The following TXNL1 variants were observed in gnomAD, a reference collection of about 807,000 sequenced individuals.
TXNL1 encodes the protein thioredoxin-like protein 1.
TXNL1 carries 14 observed loss-of-function variants against 35.5 expected under a neutral mutation model. The ratio of observed to expected loss-of-function variants is 0.39; its 90% confidence interval spans 0.26 to 0.62. TXNL1 has a LOEUF of 0.62. Among genes scored for constraint, TXNL1 ranks in the 20% least tolerant of loss-of-function variants. The pLI is 0.47. For missense variants in TXNL1, 263 were observed against 349.7 expected (o/e 0.75, Z 1.98); for synonymous variants, 110 against 115.5 (o/e 0.95, Z 0.31).
At chr18:56,626,338 GAA>G in intron 2 of TXNL1, 21 bp downstream of exon 2, 1 of 1,578,380 alleles carries the variant, frequency 6.3e-7, no homozygotes, top group Non-Finnish European at 8.6e-7. Context: ...AAATTAAAAA[GAA>G]AAAAGATTCC....
At chr18:56,610,345 T>C (rs1008941344) in intron 7 of TXNL1, 13 of 152,286 alleles carry the variant, frequency 8.5e-5, no homozygotes, top group African/African-American at 2.7e-4. Context: ...GTTCCAGTAA[T>C]GTACAGAAGG....
intron 5 of TXNL1, 150 bp downstream of exon 5, chr18:56,616,095 G>A (rs545386227): frequency 3.4e-5 from 20 of 594,740 alleles, no homozygotes; most frequent in South Asian, 1.6e-4. Flanking sequence ...TTGCACCACC[G>A]CACTCCAGCC....
At chr18:56,620,052 T>G (rs2024156251) in intron 3 of TXNL1, among the ~76,000 whole-genome samples, 1 of 152,198 alleles carries the variant, frequency 6.6e-6, no homozygotes, top group Non-Finnish European at 1.5e-5. Flanking sequence ...CACTGAAACC[T>G]CCACCTCCCG....
rs1451765723 is a variant in TXNL1 at position 56,600,347 on chromosome 18, C to CT, written c.*2679dup. ...GAACAATGTGGGGCAGGTTTCAACT[C>CT]TAATTGTTACGTGGCTGCCTCCAAC... On this transcript the variant is annotated 3_prime_UTR_variant, in exon 8 of 8. Transcript: ENST00000217515. The CT allele has an allele frequency of 1.3e-5, 2 of 151,220 alleles. No individual in the cohort carries two copies. Among genetic ancestry groups the CT allele is most frequent in the African/African-American group, 2.4e-5 (1 of 41,168 alleles). The allele number at this position is 151,220 out of a possible 1,614,324, so 9.4% of individuals were successfully genotyped here.
chr18:56,638,452 G>T lies in TXNL1; in HGVS notation c.-12C>A, dbSNP rs368175571. The T allele has an allele frequency of 4.4e-6, 7 of 1,608,506 alleles. No homozygotes were observed. The African/African-American group carries it at 9.4e-5, about 21-fold the overall frequency. On this transcript the variant is annotated 5_prime_UTR_variant, in exon 1 of 8. Transcript: ENST00000217515. The stretch of plus-strand genomic sequence containing the variant: ...TTCACCCCCACCATCCTCACAGAGA[G>T]CCCGGCAGGGTGGCCGCGACGCCAC...
At chr18:56,620,432 A>G (rs2144310829) in intron 3 of TXNL1, among the ~76,000 whole-genome samples, 1 of 152,330 alleles carries the variant, frequency 6.6e-6, no homozygotes, top group East Asian at 1.9e-4. Context: ...CTTTTTACTT[A>G]AGATCTTAAG....
chr18:56,637,924 G>A (rs1329621458), intron 1 of TXNL1, among the ~76,000 whole-genome samples: 2 of 152,228 alleles, frequency 1.3e-5, no homozygotes, highest in African/African-American at 2.4e-5. Flanking sequence ...GTGGTGAAGA[G>A]AAACAAAGTG....
chr18:56,608,100 G>A (rs762964331), intron 7 of TXNL1, among the ~76,000 whole-genome samples: 5 of 152,052 alleles, frequency 3.3e-5, no homozygotes, highest in African/African-American at 9.7e-5. Flanking sequence ...CCCCCGCCCC[G>A]ACAGATAAGG....
chr18:56,620,968 G>A (rs2024170822), intron 3 of TXNL1, among the ~76,000 whole-genome samples: 1 of 152,170 alleles, frequency 6.6e-6, no homozygotes, highest in African/African-American at 2.4e-5. Context: ...TTTTACTATA[G>A]CAGAATTATT....
rs1382551574 is a variant in TXNL1 at position 56,610,255 on chromosome 18, T to TA, written c.840+737dup. ...TATAGCAACTAACGCTCTGTACTGA[T>TA]AAAGCTCTCAGTAGCACTTTGATAA... On this transcript the variant is annotated intron_variant, in intron 7 of 7. Transcript: ENST00000217515. 5.9e-5 allele frequency: 9 copies of TA among 152,366 alleles called. No individual in the cohort carries two copies. The East Asian group carries it at 1.7e-3, about 29-fold the overall frequency. The allele number at this position is 152,366 out of a possible 1,614,324, so 9.4% of individuals were successfully genotyped here. A position where few individuals can be genotyped will look rare whatever the true frequency, so the allele number is the denominator to read the frequency against.
chr18:56,624,362 A>T lies in TXNL1; in HGVS notation c.295T>A (p.Leu99Ile). 1 of 1,613,760 alleles carries T rather than the reference A, an allele frequency of 6.2e-7. No individual in the cohort carries two copies. The highest frequency in any genetic ancestry group is 8.5e-7 in the Non-Finnish European group (1 of 1,179,838). ...AAGTGCTGCTTGATTTTTTCTTCTA[A>T]TCCCACAGCATCTGCTCCTTGATAT... ...DQYQGADAVG[L>I]EEKIKQHLEN... is the part of the protein sequence containing the mutation. Residue 99 changes from leucine (L) to isoleucine (I), a missense_variant, in exon 3 of 8, where the codon TTA becomes ATA. Physicochemically the swap from Leu to Ile is conservative, Grantham distance 5. Coordinates refer to ENST00000217515, the MANE Select transcript of TXNL1 (RefSeq NM_004786.3).
At chr18:56,623,425 C>CA (rs74182150) in intron 3 of TXNL1, among the ~76,000 whole-genome samples, 33,143 of 96,726 alleles carry the variant, frequency 0.34, 4,545 homozygotes, top group Non-Finnish European at 0.4. Flanking sequence ...GACTCCGCCT[C>CA]AAAAAAAAAA....
Position 56,600,621 on chromosome 18 carries a change from A to G in TXNL1, c.*2406T>C, listed in dbSNP as rs968258448. 1.4e-5 allele frequency: 2 copies of G among 146,572 alleles called. No individual in the cohort carries two copies. The highest frequency in any genetic ancestry group is 5.1e-5 in the African/African-American group (2 of 38,938). 9.1% of individuals were successfully genotyped at this position (146,572 alleles called of 1,614,324 possible). A position where few individuals can be genotyped will look rare whatever the true frequency, so the allele number is the denominator to read the frequency against. On this transcript the variant is annotated 3_prime_UTR_variant, in exon 8 of 8. Coordinates refer to ENST00000217515, the MANE Select transcript of TXNL1 (RefSeq NM_004786.3). ...ACAACGTGGGGCAGGTTTCAACTCT[A>G]ATTGTTACGTGGCTGCCTCCAACAG...
At chr18:56,624,261 T>A in intron 3 of TXNL1, 27 bp downstream of exon 3, 1 of 1,598,016 alleles carries the variant, frequency 6.3e-7, no homozygotes. Flanking sequence ...TATTATACAT[T>A]ATGATTTCAC....
intron 2 of TXNL1, among the ~76,000 whole-genome samples, chr18:56,625,308 A>G (rs541245365): frequency 6.6e-6 from 1 of 152,300 alleles, no homozygotes; most frequent in African/African-American, 2.4e-5. Flanking sequence ...ATTTTCTATT[A>G]TCTATATTAA....
intron 1 of TXNL1, among the ~76,000 whole-genome samples, chr18:56,637,778 G>A (rs2024479725): frequency 6.6e-6 from 1 of 152,162 alleles, no homozygotes; most frequent in Admixed American, 6.5e-5. Context: ...GAAGAAAAAA[G>A]TTCAAATAAT....
intron 1 of TXNL1, among the ~76,000 whole-genome samples, chr18:56,632,433 G>A (rs977356315): frequency 5.3e-5 from 8 of 152,154 alleles, no homozygotes; most frequent in Middle Eastern, 3.4e-3. Flanking sequence ...TGTATGTTAC[G>A]CATTCACAAA....
At chr18:56,631,878 C>T (rs1308361276) in intron 1 of TXNL1, among the ~76,000 whole-genome samples, 1 of 150,792 alleles carries the variant, frequency 6.6e-6, no homozygotes, top group Non-Finnish European at 1.5e-5. Context: ...CGAGATTGCG[C>T]CATTGAACTC....
chr18:56,629,893 C>T (rs1023834440), intron 1 of TXNL1, among the ~76,000 whole-genome samples: 1 of 152,104 alleles, frequency 6.6e-6, no homozygotes, highest in South Asian at 2.1e-4. Context: ...GTAACAAGAT[C>T]AGTAAGAAAG....
Sources: allele counts gnomAD v4.1 joint callset (sites outside exome capture counted in the v4.1 genomes callset), GRCh38; gene constraint gnomAD v4.1.1; transcripts MANE v1.5; gene names NCBI Gene and HGNC (gene_info 2026-07-23, HGNC 2026-07-21).